Variants in ZSWIM2 observed in about 807,000 individuals in gnomAD.
The protein encoded by ZSWIM2 is zinc finger SWIM-type containing 2.
In ZSWIM2, 38 loss-of-function variants were observed where a neutral mutation model predicts 48.4. That is an observed-to-expected ratio of 0.79 (90% CI 0.61 to 1.03). The LOEUF (loss-of-function observed/expected upper bound fraction) is 1.03, where lower values mean the gene tolerates loss of function less well. Ranked by LOEUF, ZSWIM2 falls within the 50% of genes least tolerant of loss-of-function variation. ZSWIM2 has a pLI of 0.00. For missense variants in ZSWIM2, 776 were observed against 730.2 expected, an observed-to-expected ratio of 1.06 and a Z score of -0.72; for synonymous variants, 240 against 251.3, an observed-to-expected ratio of 0.96 and a Z score of 0.42.
chr2:186,849,133 T>C lies in ZSWIM2; in HGVS notation c.-3A>G. The C allele has an allele frequency of 6.2e-7, 1 of 1,606,342 alleles. No individual in the cohort carries two copies. The highest frequency in any genetic ancestry group is 8.5e-7 in the Non-Finnish European group (1 of 1,174,836). ...GCCTTATAGCCTCGGCGAAGCATGC[T>C]GGGTGCGGGCGGAGGCGGCCCCTCT... On this transcript the variant is annotated 5_prime_UTR_variant, in exon 1 of 9. Transcript: ENST00000295131.
chr2:186,846,074 C>A (rs1431102104), intron 2 of ZSWIM2, among the ~76,000 whole-genome samples: 1 of 151,556 alleles, frequency 6.6e-6, no homozygotes, highest in African/African-American at 2.4e-5. Context: ...TTGGCCTGGG[C>A]AAAGAATTTA....
In ZSWIM2 at chr2:186,828,813, T is replaced by C. The variant is rs1691646574; in HGVS notation, c.1096-23A>G. 5.6e-6 allele frequency: 8 copies of C among 1,423,826 alleles called. No individual in the cohort carries two copies. The East Asian group carries it at 1.9e-4, about 34-fold the overall frequency. The allele number at this position is 1,423,826 out of a possible 1,614,324, so 88.2% of individuals were successfully genotyped here. On this transcript the variant is annotated intron_variant, in intron 8 of 8. Coordinates refer to ENST00000295131, the MANE Select transcript of ZSWIM2 (RefSeq NM_182521.3). Reference sequence around the variant, plus strand: ...AAACTTTAAAAAAAAGGTAAGCTAATCAGAACTATACCAATCTTGTTTATA... The same window carrying C: ...AAACTTTAAAAAAAAGGTAAGCTAACCAGAACTATACCAATCTTGTTTATA...
At chr2:186,832,852 C>T (rs373182147) in intron 7 of ZSWIM2, among the ~76,000 whole-genome samples, 1 of 151,930 alleles carries the variant, frequency 6.6e-6, no homozygotes, top group East Asian at 1.9e-4. Flanking sequence ...CAATTATTCC[C>T]ATTTTAAAGA....
At chr2:186,832,337 G>T (rs1400789908) in intron 7 of ZSWIM2, among the ~76,000 whole-genome samples, 2 of 151,860 alleles carry the variant, frequency 1.3e-5, no homozygotes, top group African/African-American at 4.8e-5. Context: ...GGCCAGGCTG[G>T]TCTCGAACTT....
intron 7 of ZSWIM2, among the ~76,000 whole-genome samples, chr2:186,831,957 T>C (rs535772265): frequency 6.6e-6 from 1 of 152,158 alleles, no homozygotes; most frequent in South Asian, 2.1e-4. Context: ...CACACCAACA[T>C]GGCACATGTA....
chr2:186,837,152 T>A (rs959047427), intron 5 of ZSWIM2, among the ~76,000 whole-genome samples, 154 bp downstream of exon 5: 6 of 152,012 alleles, frequency 3.9e-5, no homozygotes, highest in Admixed American at 1.3e-4. Context: ...GAGATAGAAG[T>A]CAGTCTGTGA....
intron 3 of ZSWIM2, among the ~76,000 whole-genome samples, chr2:186,839,622 A>C (rs1691866749): frequency 6.6e-6 from 1 of 151,780 alleles, no homozygotes; most frequent in Non-Finnish European, 1.5e-5. Context: ...ATAATAATGG[A>C]AGAGCAAGAC....
At chr2:186,847,449 T>G (rs1692026135) in intron 2 of ZSWIM2, among the ~76,000 whole-genome samples, 1 of 152,118 alleles carries the variant, frequency 6.6e-6, no homozygotes, top group Non-Finnish European at 1.5e-5. Flanking sequence ...TATAGTTAGA[T>G]TTCACATTTG....
chr2:186,831,942 T>C (rs1691706741), intron 7 of ZSWIM2, among the ~76,000 whole-genome samples: 1 of 151,916 alleles, frequency 6.6e-6, no homozygotes, highest in African/African-American at 2.4e-5. Flanking sequence ...AGTTAATGGG[T>C]GCAGCACACC....
At chr2:186,843,775 A>AT (rs902189492) in intron 3 of ZSWIM2, among the ~76,000 whole-genome samples, 4 of 151,568 alleles carry the variant, frequency 2.6e-5, no homozygotes, top group Non-Finnish European at 5.9e-5. Context: ...GGAATCACTG[A>AT]TACAGAGTTA....
chr2:186,848,498 C>G (rs58139398), intron 1 of ZSWIM2, among the ~76,000 whole-genome samples: 3,317 of 152,168 alleles, frequency 0.022, 117 homozygotes, highest in African/African-American at 0.076. Flanking sequence ...CCATTTAAAC[C>G]ATCCTTTAAT....
At chr2:186,845,549 A>G (rs903459629) in intron 2 of ZSWIM2, among the ~76,000 whole-genome samples, 2 of 151,490 alleles carry the variant, frequency 1.3e-5, no homozygotes, top group Non-Finnish European at 3.0e-5. Context: ...AAACATTAGA[A>G]ATAATTATAT....
intron 3 of ZSWIM2, among the ~76,000 whole-genome samples, chr2:186,843,675 A>T (rs1296980499): frequency 6.6e-6 from 1 of 151,588 alleles, no homozygotes; most frequent in Non-Finnish European, 1.5e-5. Flanking sequence ...GGGAGCACAG[A>T]TGGAGAAATC....
intron 6 of ZSWIM2, among the ~76,000 whole-genome samples, 162 bp from the exon 7 acceptor site, chr2:186,833,394 CATATT>C (rs66926177): frequency 0.051 from 7,792 of 152,136 alleles, 327 homozygotes; most frequent in East Asian, 0.23. Flanking sequence ...TTATTAGTCT[CATATT>C]GTATTGCATA....
At chr2:186,834,374 C>A (rs1217492058) in intron 5 of ZSWIM2, among the ~76,000 whole-genome samples, 1 of 152,078 alleles carries the variant, frequency 6.6e-6, no homozygotes, top group South Asian at 2.1e-4. Context: ...GGGTCCCCAA[C>A]CCCAGGCGCT....
At chr2:186,841,461 A>C (rs1180619650) in intron 3 of ZSWIM2, among the ~76,000 whole-genome samples, 2 of 151,438 alleles carry the variant, frequency 1.3e-5, no homozygotes, top group African/African-American at 4.8e-5. Flanking sequence ...TAAATCAGCA[A>C]AAGTATTCTG....
At chr2:186,842,736 T>G (rs923585699) in intron 3 of ZSWIM2, among the ~76,000 whole-genome samples, 1 of 151,570 alleles carries the variant, frequency 6.6e-6, no homozygotes, top group Non-Finnish European at 1.5e-5. Context: ...GTAGCTATTG[T>G]GTACTTGAAA....
chr2:186,841,449 T>A (rs1482782906), intron 3 of ZSWIM2, among the ~76,000 whole-genome samples: 1 of 151,344 alleles, frequency 6.6e-6, no homozygotes, highest in East Asian at 1.9e-4. Context: ...CTGAAATCAC[T>A]GTAAATCAGC....
chr2:186,833,038 G>T, intron 7 of ZSWIM2, 82 bp downstream of exon 7: 1 of 592,784 alleles, frequency 1.7e-6, no homozygotes. Context: ...ATAAATAAAA[G>T]AATAAATAAA....
Sources: gnomAD v4.1 joint callset for allele counts (sites outside exome capture counted in the v4.1 genomes callset) on GRCh38, gnomAD v4.1.1 for gene constraint, MANE v1.5 for transcripts, NCBI Gene and HGNC (gene_info 2026-07-23, HGNC 2026-07-21) for gene names.